LRP1B: variants seen among roughly 807,000 people sequenced by gnomAD.
LRP1B encodes the protein low-density lipoprotein receptor-related protein 1B.
Under a neutral mutation model 556.6 loss-of-function variants are expected in LRP1B, and 217 were observed. The observed-to-expected ratio is 0.39, with a 90% confidence interval of 0.35 to 0.44. The LOEUF is 0.44. Among genes scored for constraint, LRP1B ranks in the 20% least tolerant of loss-of-function variants. LRP1B has a pLI of 1.00. For synonymous variants in LRP1B, 2,047 were observed against 1,865.8 expected (o/e 1.10, Z -2.50); for missense variants, 5,053 against 5,620.8 (o/e 0.90, Z 3.23).
At chr2:140,867,195 G>T (rs1453570741) in intron 27 of LRP1B, among the ~76,000 whole-genome samples, 1 of 151,972 alleles carries the variant, frequency 6.6e-6, no homozygotes, top group East Asian at 1.9e-4. Context: ...CGGAATACAT[G>T]GGGAGAGGTA....
intron 35 of LRP1B, among the ~76,000 whole-genome samples, chr2:140,737,858 T>C (rs969040199): frequency 5.3e-5 from 8 of 152,204 alleles, no homozygotes; most frequent in African/African-American, 1.7e-4. Flanking sequence ...AATCACGTAA[T>C]AGCCCTGGTG....
intron 1 of LRP1B, among the ~76,000 whole-genome samples, chr2:142,059,004 T>G (rs1200404073): frequency 2.0e-5 from 3 of 152,138 alleles, no homozygotes; most frequent in Non-Finnish European, 4.4e-5. Flanking sequence ...TATTTACATG[T>G]AAAATATGGA....
chr2:141,250,714 C>T (rs1013342021), intron 4 of LRP1B, among the ~76,000 whole-genome samples: 2 of 152,070 alleles, frequency 1.3e-5, no homozygotes, highest in East Asian at 3.9e-4. Flanking sequence ...CTGAGTCTTG[C>T]AGTACTAGGT....
rs980335312 is a variant in LRP1B at position 140,444,747 on chromosome 2, C to T, written c.10058-68G>A. ...TCACAACTTCTTAAACATAGAGTTT[C>T]TGACATTCAAGATATTTACTATAAT... On this transcript the variant is annotated intron_variant, in intron 63 of 90. Coordinates refer to ENST00000389484, the MANE Select transcript of LRP1B (RefSeq NM_018557.3). 9.3e-5 allele frequency: 85 copies of T among 914,846 alleles called. 1 individual carries two copies. Among genetic ancestry groups the T allele is most frequent in the Admixed American group, 6.8e-4 (34 of 50,336 alleles). 56.7% of individuals were successfully genotyped at this position (914,846 alleles called of 1,614,324 possible). A position where few individuals can be genotyped will look rare whatever the true frequency, so the allele number is the denominator to read the frequency against.
At chr2:141,427,323 G>A (rs949437246) in intron 3 of LRP1B, among the ~76,000 whole-genome samples, 5 of 152,242 alleles carry the variant, frequency 3.3e-5, no homozygotes, top group African/African-American at 4.8e-5. Context: ...ATGAGAAACA[G>A]CAAGTCAGCA....
At chr2:141,143,498 A>T (rs1227328173) in intron 7 of LRP1B, among the ~76,000 whole-genome samples, 1 of 152,160 alleles carries the variant, frequency 6.6e-6, no homozygotes, top group African/African-American at 2.4e-5. Context: ...CCCCATGAAG[A>T]CAGAGATGTT....
At chr2:141,894,665 CT>C (rs1699389663) in intron 1 of LRP1B, among the ~76,000 whole-genome samples, 1 of 147,078 alleles carries the variant, frequency 6.8e-6, no homozygotes, top group Non-Finnish European at 1.5e-5. Context: ...AGATCTAGAT[CT>C]AGATCTAGAT....
rs555634646 is a variant in LRP1B at position 141,798,689 on chromosome 2, G to A, written c.205+11590C>T. Among the ~76,000 whole-genome samples, 41 of 105,294 alleles carry A rather than the reference G, an allele frequency of 3.9e-4. 1 individual carries two copies. The highest frequency in any genetic ancestry group is 9.8e-4 in the South Asian group (3 of 3,076). The allele number at this position is 105,294 out of a possible 152,430, so 69.1% of individuals were successfully genotyped here. A position where few individuals can be genotyped will look rare whatever the true frequency, so the allele number is the denominator to read the frequency against. On this transcript the variant is annotated intron_variant, in intron 2 of 90. Coordinates refer to ENST00000389484, the MANE Select transcript of LRP1B (RefSeq NM_018557.3). ...GCCACTGCACTCCAGCCTGGCAACA[G>A]AGTAAGACTCTGTCTCAAAAAAAAA...
chr2:141,254,130 C>T (rs551257796), intron 4 of LRP1B, among the ~76,000 whole-genome samples: 2 of 151,896 alleles, frequency 1.3e-5, no homozygotes, highest in Admixed American at 1.3e-4. Flanking sequence ...GCCAGAATAA[C>T]CAATGCAAAA....
chr2:141,851,014 C>A (rs1053894280), intron 1 of LRP1B, among the ~76,000 whole-genome samples: 2 of 151,590 alleles, frequency 1.3e-5, no homozygotes, highest in Non-Finnish European at 1.5e-5. Flanking sequence ...CAATAAAATC[C>A]CTTCACAAGG....
intron 66 of LRP1B, among the ~76,000 whole-genome samples, chr2:140,424,965 C>T (rs1181520543): frequency 1.3e-5 from 2 of 151,872 alleles, no homozygotes; most frequent in African/African-American, 2.4e-5. Flanking sequence ...AATAACATTG[C>T]TTATTTTATT....
At chr2:141,497,171 A>G (rs564847422) in intron 2 of LRP1B, among the ~76,000 whole-genome samples, 228 of 152,102 alleles carry the variant, frequency 1.5e-3, no homozygotes, top group Non-Finnish European at 2.6e-3. Flanking sequence ...ACATCCCCCA[A>G]TTTATTTTTC....
chr2:141,323,686 T>C (rs1326517312), intron 3 of LRP1B, among the ~76,000 whole-genome samples: 1 of 152,040 alleles, frequency 6.6e-6, no homozygotes, highest in East Asian at 1.9e-4. Flanking sequence ...ACATCAAGAC[T>C]CACAGATGTT....
chr2:140,699,663 A>G (rs370184752), intron 41 of LRP1B, among the ~76,000 whole-genome samples: 5 of 151,458 alleles, frequency 3.3e-5, no homozygotes, highest in African/African-American at 1.2e-4. Context: ...AGGTTTCCCT[A>G]AATTATGTGG....
chr2:141,122,597 A>G (rs1701088164), intron 7 of LRP1B, among the ~76,000 whole-genome samples: 1 of 151,616 alleles, frequency 6.6e-6, no homozygotes, highest in South Asian at 2.1e-4. Flanking sequence ...AAGTCAGGAA[A>G]CAACAGGTGC....
chr2:140,600,767 G>GTTTTTTTGTTTTTTTTTT, intron 42 of LRP1B, among the ~76,000 whole-genome samples: 1 of 56,896 alleles, frequency 1.8e-5, no homozygotes, highest in South Asian at 4.7e-4. Flanking sequence ...GTTCTTCGGG[G>GTTTTTTTGTTTTTTTTTT]TTTTTTTTTT....
rs558220705 is a variant in LRP1B at position 141,767,411 on chromosome 2, T to TACTAAA, written c.205+42867_205+42868insTTTAGT. 3.2e-4 allele frequency among the ~76,000 whole-genome samples: 48 copies of TACTAAA among 152,168 alleles called. No individual in the cohort carries two copies. In the East Asian group the frequency reaches 8.5e-3, roughly 27 times the overall value. On this transcript the variant is annotated intron_variant, in intron 2 of 90. Coordinates refer to ENST00000389484, the MANE Select transcript of LRP1B (RefSeq NM_018557.3). ...GGAGAAAGCATGTAATTACTAAAGT[T>TACTAAA]ATTGGATAGGTTCAGGTCAAATTAT... is the stretch of plus-strand genomic sequence containing the variant.
At chr2:141,825,010 T>G (rs767515965) in intron 1 of LRP1B, among the ~76,000 whole-genome samples, 1 of 152,186 alleles carries the variant, frequency 6.6e-6, no homozygotes, top group Non-Finnish European at 1.5e-5. Context: ...TCCTGCCACC[T>G]TGTGAAGAAG....
chr2:142,045,441 G>A (rs1367866235), intron 1 of LRP1B, among the ~76,000 whole-genome samples: 2 of 151,780 alleles, frequency 1.3e-5, no homozygotes, highest in East Asian at 1.9e-4. Context: ...CAGTTTGGAT[G>A]TAAATTTTCT....
Sources: allele counts gnomAD v4.1 joint callset (sites outside exome capture counted in the v4.1 genomes callset), GRCh38; gene constraint gnomAD v4.1.1; transcripts MANE v1.5; gene names NCBI Gene and HGNC (gene_info 2026-07-23, HGNC 2026-07-21).